Variants in EIF4E3 observed in about 807,000 individuals in gnomAD.
EIF4E3 encodes the protein eukaryotic translation initiation factor 4E family member 3.
In EIF4E3, 26 loss-of-function variants were observed where a neutral mutation model predicts 31.7. The ratio of observed to expected loss-of-function variants is 0.82; its 90% CI spans 0.60 to 1.14. EIF4E3 has a LOEUF of 1.14. Among genes scored for constraint, EIF4E3 ranks in the 50% most tolerant of loss-of-function variants. EIF4E3 has a pLI of 0.00. For missense variants in EIF4E3, 304 were observed against 270.9 expected (o/e 1.12, Z -0.86); for synonymous variants, 128 against 107.7 (o/e 1.19, Z -1.17).
In EIF4E3 at chr3:71,721,351, A is replaced by G. The variant is rs568379580; in HGVS notation, c.176+3841T>C. 6.6e-5 allele frequency among the ~76,000 whole-genome samples: 10 copies of G among 152,328 alleles called. No individual in the cohort carries two copies. The East Asian group carries it at 1.9e-3, about 29-fold the overall frequency. The stretch of plus-strand genomic sequence containing the variant: ...GTTTACATCCTAGTGGGAGAAGACA[A>G]GCCAATGGTGGTAATGCTATGGAGA... On this transcript the variant is annotated intron_variant, in intron 1 of 6. Coordinates refer to ENST00000425534, the MANE Select transcript of EIF4E3 (RefSeq NM_001134651.2).
At chr3:71,672,007 T>C (rs1407971666), downstream of EIF4E3, among the ~76,000 whole-genome samples, 2 of 152,096 alleles carry the variant, frequency 1.3e-5, no homozygotes, top group African/African-American at 4.8e-5. Flanking sequence ...AATCCTGCGC[T>C]CCCCGATTTA....
intron 1 of EIF4E3, among the ~76,000 whole-genome samples, chr3:71,733,490 T>A (rs78647296): frequency 0.14 from 20,545 of 152,138 alleles, 1,983 homozygotes; most frequent in East Asian, 0.34. Flanking sequence ...AATAATCATA[T>A]TTATGACATA....
At chr3:71,716,119 G>C (rs1002953937) in intron 1 of EIF4E3, among the ~76,000 whole-genome samples, 1 of 152,208 alleles carries the variant, frequency 6.6e-6, no homozygotes, top group Non-Finnish European at 1.5e-5. Flanking sequence ...GCAAAGCACA[G>C]AGGTGGAGGT....
intron 1 of EIF4E3, among the ~76,000 whole-genome samples, chr3:71,743,363 A>T (rs184853028): frequency 1.3e-5 from 2 of 152,312 alleles, no homozygotes; most frequent in Admixed American, 1.3e-4. Flanking sequence ...TAAAAATTTT[A>T]AAAATACCAT....
At chr3:71,702,076 A>T (rs888893304) in intron 2 of EIF4E3, among the ~76,000 whole-genome samples, 2 of 152,236 alleles carry the variant, frequency 1.3e-5, no homozygotes, top group African/African-American at 2.4e-5. Context: ...CTAACCACTC[A>T]GCTATTTTCT....
chr3:71,660,927 C>T, the EIF4E3 span, among the ~76,000 whole-genome samples: 21 of 151,956 alleles, frequency 1.4e-4, no homozygotes, highest in Admixed American at 2.6e-4. Flanking sequence ...TCTGAAGCTT[C>T]CACCCCCTCA....
chr3:71,747,241 C>T (rs1292963880), intron 1 of EIF4E3, among the ~76,000 whole-genome samples: 1 of 152,200 alleles, frequency 6.6e-6, no homozygotes, highest in Non-Finnish European at 1.5e-5. Context: ...TTTCCACCCC[C>T]ACCAGCATCA....
chr3:71,696,601 A>G, intron 3 of EIF4E3, 81 bp from the exon 4 acceptor site: 1 of 1,523,022 alleles, frequency 6.6e-7, no homozygotes, highest in Admixed American at 1.8e-5. Context: ...CTCTTCATAC[A>G]TTTAGTTTAA....
At chr3:71,716,289 G>A (rs1448996240) in intron 1 of EIF4E3, among the ~76,000 whole-genome samples, 1 of 152,080 alleles carries the variant, frequency 6.6e-6, no homozygotes, top group Non-Finnish European at 1.5e-5. Context: ...CTGGAGCGCA[G>A]TGGCGCAATC....
chr3:71,731,112 C>A (rs1329235982), intron 1 of EIF4E3, among the ~76,000 whole-genome samples: 1 of 152,176 alleles, frequency 6.6e-6, no homozygotes, highest in Non-Finnish European at 1.5e-5. Flanking sequence ...ACTGCAACAG[C>A]CTCCTAACGG....
chr3:71,719,444 G>T (rs1408377389), intron 1 of EIF4E3, among the ~76,000 whole-genome samples: 1 of 151,758 alleles, frequency 6.6e-6, no homozygotes, highest in Non-Finnish European at 1.5e-5. Flanking sequence ...GCGGATGAGG[G>T]AATACACTTT....
the EIF4E3 span, among the ~76,000 whole-genome samples, chr3:71,664,176 CTTGTT>C: frequency 6.6e-6 from 1 of 152,188 alleles, no homozygotes. Flanking sequence ...CCACTGGCTT[CTTGTT>C]TTATGTTAAT....
chr3:71,696,527 C>T lies in EIF4E3; in HGVS notation c.345-7G>A. On this transcript the variant is annotated splice_polypyrimidine_tract_variant and splice_region_variant and intron_variant, in intron 3 of 6. Coordinates refer to ENST00000425534, the MANE Select transcript of EIF4E3 (RefSeq NM_001134651.2). ...TGCATTACTCTCCTCTTCCCTGGGC[C>T]AAAGACCAACGTTTAAAGTTACACT... 6.2e-7 allele frequency: 1 copy of T among 1,614,066 alleles called. No individual in the cohort carries two copies.
At chr3:71,720,990 T>C (rs1331162582) in intron 1 of EIF4E3, among the ~76,000 whole-genome samples, 3 of 152,156 alleles carry the variant, frequency 2.0e-5, no homozygotes, top group African/African-American at 7.2e-5. Flanking sequence ...ACTGGAAGTA[T>C]GGCAGGATGG....
intron 2 of EIF4E3, among the ~76,000 whole-genome samples, chr3:71,705,807 C>T (rs1017043097): frequency 9.9e-5 from 15 of 151,812 alleles, no homozygotes; most frequent in African/African-American, 2.7e-4. Flanking sequence ...TTTTTTTTCT[C>T]CCAGAGATGT....
chr3:71,754,683 C>T, upstream of EIF4E3: 1 of 1,499,374 alleles, frequency 6.7e-7, no homozygotes, highest in Non-Finnish European at 8.8e-7. This position sits in a 1 kb window ranked among gnomAD's most constrained non-coding sequence, Gnocchi z 5.8. Flanking sequence ...CCACGACCGC[C>T]GCAAGATGCG....
intron 1 of EIF4E3, among the ~76,000 whole-genome samples, chr3:71,752,130 C>T (rs1343485079): frequency 6.6e-6 from 1 of 152,066 alleles, no homozygotes; most frequent in African/African-American, 2.4e-5. Context: ...CCAAACTGTC[C>T]CCAAGGGCCT....
At chr3:71,660,636 A>G in the EIF4E3 span, among the ~76,000 whole-genome samples, 2 of 152,128 alleles carry the variant, frequency 1.3e-5, no homozygotes, top group Non-Finnish European at 2.9e-5. Context: ...AAATACAAAC[A>G]CAGGTTCTAT....
chr3:71,668,720 G>A, the EIF4E3 span, among the ~76,000 whole-genome samples: 1 of 152,178 alleles, frequency 6.6e-6, no homozygotes, highest in African/African-American at 2.4e-5. Flanking sequence ...AGTTAGAATG[G>A]CGATCATTAA....
Sources: gnomAD v4.1 joint callset for allele counts (sites outside exome capture counted in the v4.1 genomes callset) on GRCh38, gnomAD v4.1.1 for gene constraint, Gnocchi (gnomAD v3.1) non-coding constraint, MANE v1.5 for transcripts, NCBI Gene and HGNC (gene_info 2026-07-23, HGNC 2026-07-21) for gene names.